Variants in SLCO1B3 observed in about 807,000 individuals in gnomAD.
SLCO1B3 encodes solute carrier organic anion transporter family member 1B3, also known as liver-specific organic anion transporter 2.
In SLCO1B3, 72 loss-of-function variants were observed where a neutral mutation model predicts 71.8. That is an observed-to-expected ratio of 1.00 (90% CI 0.83 to 1.22). The LOEUF (loss-of-function observed/expected upper bound fraction) is 1.22, where lower values mean the gene tolerates loss of function less well. SLCO1B3 is among the 50% of genes most tolerant of loss of function. The probability of loss-of-function intolerance (pLI) is 0.00; values close to 1 mark genes in which losing one functional copy is unlikely to be tolerated. For synonymous variants in SLCO1B3, 298 were observed against 278.4 expected, an observed-to-expected ratio of 1.07 and a Z score of -0.70; for missense variants, 911 against 819.7, an observed-to-expected ratio of 1.11 and a Z score of -1.36.
chr12:20,877,966 A>G (rs1865616919), intron 10 of SLCO1B3, 30 bp downstream of exon 10: 3 of 1,494,622 alleles, frequency 2.0e-6, no homozygotes, highest in African/African-American at 2.9e-5. Context: ...TGTTTGCTTG[A>G]TAAATGAAAC....
chr12:20,847,652 G>A (rs1304608), intron 3 of SLCO1B3, among the ~76,000 whole-genome samples: 109,921 of 151,692 alleles, frequency 0.72, 42,391 homozygotes, highest in South Asian at 0.9. Flanking sequence ...CAGAATCATC[G>A]AATTTTAAGA....
Position 20,815,837 on chromosome 12 carries a change from A to G in SLCO1B3, c.84+15A>G. 1 of 1,519,568 alleles carries G rather than the reference A, an allele frequency of 6.6e-7. No individual in the cohort carries two copies. Among genetic ancestry groups the G allele is most frequent in the Non-Finnish European group, 8.9e-7 (1 of 1,121,250 alleles). 94.1% of individuals were successfully genotyped at this position (1,519,568 alleles called of 1,614,324 possible). A position where few individuals can be genotyped will look rare whatever the true frequency, so the allele number is the denominator to read the frequency against. The stretch of plus-strand genomic sequence containing the variant: ...ATGGATTCAAGGTAGAATGGGTTTT[A>G]TATTTTCAAACTAAAATAAGTTAAT... On this transcript the variant is annotated intron_variant, in intron 3 of 15. Coordinates refer to ENST00000381545, the MANE Select transcript of SLCO1B3 (RefSeq NM_019844.4).
intron 8 of SLCO1B3, among the ~76,000 whole-genome samples, chr12:20,870,985 G>C (rs1865464471): frequency 6.6e-6 from 1 of 152,144 alleles, no homozygotes; most frequent in Admixed American, 6.5e-5. Flanking sequence ...TAATGTATCA[G>C]ATTTATTGAT....
chr12:20,887,898 T>C (rs1015154796), intron 13 of SLCO1B3, among the ~76,000 whole-genome samples: 2 of 151,984 alleles, frequency 1.3e-5, no homozygotes, highest in Non-Finnish European at 1.5e-5. Flanking sequence ...AGTTAATTTT[T>C]ATATATGGTG....
intron 13 of SLCO1B3, among the ~76,000 whole-genome samples, chr12:20,893,717 G>A (rs945601559): frequency 6.6e-6 from 1 of 152,088 alleles, no homozygotes; most frequent in African/African-American, 2.4e-5. Flanking sequence ...AAATGAAAGG[G>A]TTTGAGTAAT....
intron 8 of SLCO1B3, among the ~76,000 whole-genome samples, chr12:20,874,009 A>G (rs1446895398): frequency 6.6e-6 from 1 of 152,056 alleles, no homozygotes; most frequent in Non-Finnish European, 1.5e-5. Flanking sequence ...TCTATCATTG[A>G]TGGGTATTTG....
At position 20,877,827 on chromosome 12, in the gene SLCO1B3, G is replaced by A. The variant is rs1865612427; in HGVS notation, c.1026G>A (p.Leu342=). 6.4e-7 allele frequency: 1 copy of A among 1,573,408 alleles called. No individual in the cohort carries two copies. Among genetic ancestry groups the A allele is most frequent in the Admixed American group, 1.8e-5 (1 of 54,162 alleles). Residue 342 remains leucine, a synonymous_variant, in exon 10 of 16, where the codon CTG becomes CTA. Transcript: ENST00000381545. ...CCAATCCCCTGTATGTTATATTTCT[G>A]CTTTTGACATTGTTACAAGTAAGCA... The part of the protein sequence containing the change: ...ILTNPLYVIF[L]LLTLLQVSSF...
chr12:20,861,264 TACAG>T (rs1357041239), intron 6 of SLCO1B3, 126 bp downstream of exon 6: 11 of 827,634 alleles, frequency 1.3e-5, no homozygotes, highest in Non-Finnish European at 2.0e-5. Context: ...ATCCCTTACA[TACAG>T]ACAAAATCAT....
chr12:20,877,930 T>C lies in SLCO1B3; in HGVS notation c.1129T>C (p.Leu377=), dbSNP rs1474803384. The C allele has an allele frequency of 1.3e-6, 2 of 1,588,042 alleles. No individual in the cohort carries two copies. Among genetic ancestry groups the C allele is most frequent in the Non-Finnish European group, 1.7e-6 (2 of 1,169,286 alleles). The change falls in exon 10 of 16, where the codon TTG becomes CTG. Residue 377 remains leucine, a synonymous_variant. Transcript: ENST00000381545. The part of the protein sequence containing the change: ...YGQSASHANF[L]LGIITIPTVA... ...TCAGTCTGCATCTCATGCTAACTTT[T>C]TGTTGGGTAAGACATATTTTTTACC...
chr12:20,835,417 A>G (rs1326039720), intron 3 of SLCO1B3, among the ~76,000 whole-genome samples: 2 of 152,070 alleles, frequency 1.3e-5, no homozygotes, highest in Admixed American at 6.6e-5. Flanking sequence ...CAGGCTGCAA[A>G]TCTTTCACAC....
intron 3 of SLCO1B3, among the ~76,000 whole-genome samples, chr12:20,847,108 C>A (rs7136326): frequency 6.6e-6 from 1 of 151,926 alleles, no homozygotes; most frequent in South Asian, 2.1e-4. Context: ...TAGAAAGCCT[C>A]GCATATGCCC....
At chr12:20,839,975 T>C (rs1331928305) in intron 3 of SLCO1B3, among the ~76,000 whole-genome samples, 3 of 152,244 alleles carry the variant, frequency 2.0e-5, no homozygotes, top group Admixed American at 2.0e-4. Context: ...TTATTTCTGC[T>C]ACAATATTTT....
intron 6 of SLCO1B3, among the ~76,000 whole-genome samples, chr12:20,861,469 G>A (rs1314691953): frequency 2.0e-5 from 3 of 151,630 alleles, no homozygotes; most frequent in African/African-American, 7.3e-5. Context: ...CATATGAGTT[G>A]TCCTAGAACA....
intron 3 of SLCO1B3, among the ~76,000 whole-genome samples, chr12:20,818,412 C>T (rs1359332599): frequency 6.6e-6 from 1 of 152,100 alleles, no homozygotes; most frequent in East Asian, 1.9e-4. Context: ...GAAATGACTG[C>T]AGTGGCCTTC....
chr12:20,837,760 T>G (rs1483260686), intron 3 of SLCO1B3, among the ~76,000 whole-genome samples: 1 of 152,222 alleles, frequency 6.6e-6, no homozygotes, highest in East Asian at 1.9e-4. Flanking sequence ...ATGTTCCATG[T>G]GAGCTTAAGA....
chr12:20,827,770 A>AT lies in SLCO1B3; in HGVS notation c.84+11949dup, dbSNP rs201191481. ...TATTTTTGTAGAGACAGGGTTTACC[A>AT]TATTGGCCAGGCTGCTCTCGAACTC... On this transcript the variant is annotated intron_variant, in intron 3 of 15. Transcript: ENST00000381545. Among the ~76,000 whole-genome samples the AT allele has an allele frequency of 1.6e-3, 248 of 152,208 alleles. 4 individuals carry two copies. In the East Asian group the frequency reaches 0.026, roughly 16 times the overall value.
chr12:20,866,462 A>G (rs996914103), intron 8 of SLCO1B3, among the ~76,000 whole-genome samples: 2 of 65,942 alleles, frequency 3.0e-5, no homozygotes, highest in Admixed American at 2.0e-4. Flanking sequence ...TAGACTCGAA[A>G]CATGATTCAA....
At chr12:20,817,414 C>G (rs1325329907) in intron 3 of SLCO1B3, among the ~76,000 whole-genome samples, 1 of 152,088 alleles carries the variant, frequency 6.6e-6, no homozygotes, top group Non-Finnish European at 1.5e-5. Flanking sequence ...TAGTTTCATC[C>G]TAGCACCATT....
intron 3 of SLCO1B3, among the ~76,000 whole-genome samples, chr12:20,846,244 G>C (rs887652816): frequency 2.0e-5 from 3 of 152,076 alleles, no homozygotes; most frequent in African/African-American, 7.2e-5. Flanking sequence ...TCCAACATAT[G>C]TGCCATCTAT....
Sources: allele counts gnomAD v4.1 joint callset (sites outside exome capture counted in the v4.1 genomes callset), GRCh38; gene constraint gnomAD v4.1.1; transcripts MANE v1.5; gene names NCBI Gene and HGNC (gene_info 2026-07-23, HGNC 2026-07-21).